The following RCOR1 variants were observed in gnomAD, a reference collection of about 807,000 sequenced individuals.
RCOR1 encodes REST corepressor.
In RCOR1, 12 loss-of-function variants were observed where a neutral mutation model predicts 64.0. The observed-to-expected ratio is 0.19, with a 90% CI of 0.12 to 0.30. The LOEUF is 0.30. Ranked by LOEUF, RCOR1 falls within the 10% of genes least tolerant of loss-of-function variation. The pLI, the probability that RCOR1 is intolerant of heterozygous loss-of-function variation, is 1.00. For missense variants in RCOR1, 502 were observed against 621.2 expected (o/e 0.81, Z 2.04); for synonymous variants, 279 against 227.2 (o/e 1.23, Z -2.05).
rs144483657 is a variant in RCOR1 at position 102,609,700 on chromosome 14, G to T, written c.361+16375G>T. Among the ~76,000 whole-genome samples, 1,057 of 151,954 alleles carry T rather than the reference G, an allele frequency of 7.0e-3. 14 individuals carry two copies. The highest frequency in any genetic ancestry group is 0.024 in the African/African-American group (1,006 of 41,448). Reference sequence around the variant, plus strand: ...GACCTCAGGTGATCTGCCTGTCTCGGCCTCCCAAAGTGCTGGGATTACAGG... The same window carrying T: ...GACCTCAGGTGATCTGCCTGTCTCGTCCTCCCAAAGTGCTGGGATTACAGG... On this transcript the variant is annotated intron_variant, in intron 2 of 11. Transcript: ENST00000262241.
intron 3 of RCOR1, among the ~76,000 whole-genome samples, chr14:102,692,924 C>T (rs1396192845): frequency 6.6e-6 from 1 of 151,968 alleles, no homozygotes; most frequent in African/African-American, 2.4e-5. Flanking sequence ...TACCACCACA[C>T]CTGGCTAATT....
intron 2 of RCOR1, among the ~76,000 whole-genome samples, chr14:102,612,357 C>T (rs1893649110): frequency 6.6e-6 from 1 of 151,958 alleles, no homozygotes. Flanking sequence ...GTGCGCGCCA[C>T]CACGCCCGCT....
At chr14:102,653,969 TTCTTTCTTTCTTTC>T (rs1310666741) in intron 2 of RCOR1, among the ~76,000 whole-genome samples, 1,161 of 52,716 alleles carry the variant, frequency 0.022, 36 homozygotes, top group East Asian at 0.046. Flanking sequence ...CTTTCTTTCT[TTCTTTCTTTCTTTC>T]TTTTTTTTTT....
chr14:102,593,403 G>C, intron 2 of RCOR1, 78 bp downstream of exon 2: 1 of 1,394,440 alleles, frequency 7.2e-7, no homozygotes, highest in African/African-American at 1.5e-5. Flanking sequence ...GGGGGCGGGA[G>C]CCCGCCGACA....
intron 2 of RCOR1, among the ~76,000 whole-genome samples, chr14:102,617,576 A>C (rs1020693925): frequency 6.9e-6 from 1 of 144,270 alleles, no homozygotes; most frequent in African/African-American, 2.6e-5. Flanking sequence ...CAACGAAGAC[A>C]CTGTCTCTTT....
intron 2 of RCOR1, among the ~76,000 whole-genome samples, chr14:102,619,144 G>A (rs1893821432): frequency 6.8e-6 from 1 of 147,064 alleles, no homozygotes. Context: ...TTTTTGAGAC[G>A]GAGTTTCGCT....
At chr14:102,659,271 T>C in intron 2 of RCOR1, 1 of 985,128 alleles carries the variant, frequency 1.0e-6, no homozygotes, top group Non-Finnish European at 1.2e-6. Flanking sequence ...TGCATTGGCC[T>C]TCACTATCAA....
At chr14:102,702,947 T>C (rs984852736) in intron 4 of RCOR1, among the ~76,000 whole-genome samples, 1 of 152,200 alleles carries the variant, frequency 6.6e-6, no homozygotes, top group African/African-American at 2.4e-5. Context: ...ATCTTAAAGA[T>C]GTTTTTAAAG....
intron 2 of RCOR1, among the ~76,000 whole-genome samples, chr14:102,652,389 GTGAATGGAAGAAAGGC>G (rs2139930613): frequency 6.6e-6 from 1 of 152,328 alleles, no homozygotes; most frequent in African/African-American, 2.4e-5. Context: ...GCCCAGTTAC[GTGAATGGAAGAAAGGC>G]TGAGCAGTGA....
intron 2 of RCOR1, among the ~76,000 whole-genome samples, chr14:102,631,241 C>G (rs1306892210): frequency 6.7e-6 from 1 of 148,292 alleles, no homozygotes; most frequent in Admixed American, 6.8e-5. Context: ...CTTGCTGTGT[C>G]GCCTGGGCTG....
intron 2 of RCOR1, chr14:102,658,110 G>A (rs1352072434): frequency 4.5e-6 from 1 of 219,940 alleles, no homozygotes; most frequent in Non-Finnish European, 7.7e-6. Context: ...AAGTAATTGG[G>A]ATTACAGATG....
chr14:102,722,419 A>G lies in RCOR1; in HGVS notation c.1419+3A>G. ...AGATGCCCGAAGAGGAAGACGAGGTAAATCTGAAACAAAACAGTCACTTCT... is the reference window on the plus strand; with the variant it reads ...AGATGCCCGAAGAGGAAGACGAGGTGAATCTGAAACAAAACAGTCACTTCT... On this transcript the variant is annotated splice_donor_region_variant and intron_variant, in intron 11 of 11. Transcript: ENST00000262241. The G allele has an allele frequency of 6.2e-7, 1 of 1,607,336 alleles. No homozygotes were observed. The highest frequency in any genetic ancestry group is 8.5e-7 in the Non-Finnish European group (1 of 1,175,306).
At chr14:102,678,434 G>A (rs570738974) in intron 2 of RCOR1, among the ~76,000 whole-genome samples, 132 of 152,134 alleles carry the variant, frequency 8.7e-4, no homozygotes, top group Admixed American at 1.8e-3. Context: ...TGAGTAGCTG[G>A]GTCTGCAGGC....
intron 2 of RCOR1, among the ~76,000 whole-genome samples, chr14:102,617,650 C>T (rs1893789704): frequency 6.8e-6 from 1 of 146,380 alleles, no homozygotes; most frequent in Non-Finnish European, 1.5e-5. Flanking sequence ...AGTGCAGTGG[C>T]ACAGACTTGG....
intron 2 of RCOR1, among the ~76,000 whole-genome samples, chr14:102,635,298 GTTT>G (rs1473224555): frequency 2.6e-5 from 4 of 152,142 alleles, no homozygotes; most frequent in Non-Finnish European, 4.4e-5. Context: ...GAGGTCAGGA[GTTT>G]GAGACCAGCC....
chr14:102,705,053 A>T (rs779850030), intron 4 of RCOR1, among the ~76,000 whole-genome samples: 3 of 152,086 alleles, frequency 2.0e-5, no homozygotes, highest in African/African-American at 4.8e-5. Context: ...GTGAGCCTAG[A>T]AGGCAGAGGT....
chr14:102,626,249 A>G (rs975217633), intron 2 of RCOR1, among the ~76,000 whole-genome samples: 3 of 152,222 alleles, frequency 2.0e-5, no homozygotes, highest in Non-Finnish European at 2.9e-5. Flanking sequence ...TCTTTTGGCT[A>G]TGCCACAACC....
chr14:102,699,520 C>T (rs961045601), intron 3 of RCOR1, among the ~76,000 whole-genome samples: 5 of 152,110 alleles, frequency 3.3e-5, no homozygotes, highest in Non-Finnish European at 5.9e-5. Context: ...GACAGTTCTC[C>T]CAGAGCTGGG....
At chr14:102,613,645 C>T (rs2139891930) in intron 2 of RCOR1, among the ~76,000 whole-genome samples, 1 of 151,198 alleles carries the variant, frequency 6.6e-6, no homozygotes, top group East Asian at 1.9e-4. Context: ...TGGTCTCGAT[C>T]TCCTGACCTC....
Sources: allele counts gnomAD v4.1 joint callset (sites outside exome capture counted in the v4.1 genomes callset), GRCh38; gene constraint gnomAD v4.1.1; transcripts MANE v1.5; gene names NCBI Gene and HGNC (gene_info 2026-07-23, HGNC 2026-07-21).